PTH2R: variants seen among roughly 807,000 people sequenced by gnomAD.
PTH2R encodes parathyroid hormone 2 receptor, also known as PTH2 receptor.
Under a neutral mutation model 60.3 loss-of-function variants are expected in PTH2R, and 59 were observed. That is an observed-to-expected ratio of 0.98 (90% CI 0.79 to 1.22). PTH2R has a LOEUF of 1.22. PTH2R is among the 50% of genes most tolerant of loss of function. PTH2R has a pLI of 0.00. For missense variants in PTH2R, 749 were observed against 682.6 expected (o/e 1.10, Z -1.08); for synonymous variants, 256 against 243.8 (o/e 1.05, Z -0.47).
At chr2:208,370,121 G>C (rs2125869223) in intron 1 of PTH2R, among the ~76,000 whole-genome samples, 1 of 152,100 alleles carries the variant, frequency 6.6e-6, no homozygotes, top group East Asian at 1.9e-4. Context: ...AATTAGAAAG[G>C]AAAAATTGTG....
At chr2:208,420,165 T>C (rs2105845546) in intron 1 of PTH2R, among the ~76,000 whole-genome samples, 1 of 151,886 alleles carries the variant, frequency 6.6e-6, no homozygotes, top group East Asian at 1.9e-4. Context: ...GGGATAGCAT[T>C]AGGAGATATA....
At chr2:208,413,867 TA>T (rs1701589869) in intron 1 of PTH2R, among the ~76,000 whole-genome samples, 1 of 152,172 alleles carries the variant, frequency 6.6e-6, no homozygotes, top group African/African-American at 2.4e-5. Context: ...TAAGAGTATT[TA>T]AGGGTTCAGG....
At chr2:208,408,126 C>T (rs573380421) in intron 1 of PTH2R, among the ~76,000 whole-genome samples, 15 of 152,204 alleles carry the variant, frequency 9.9e-5, no homozygotes, top group African/African-American at 3.6e-4. Context: ...AGGTGCCACG[C>T]TAAAAGTGGG....
intron 1 of PTH2R, among the ~76,000 whole-genome samples, chr2:208,370,685 C>T (rs1700684141): frequency 6.6e-6 from 1 of 151,788 alleles, no homozygotes; most frequent in South Asian, 2.1e-4. Flanking sequence ...GGAAATAATC[C>T]AAATATTTGT....
intron 2 of PTH2R, among the ~76,000 whole-genome samples, chr2:208,433,490 T>G (rs1241249244): frequency 1.3e-5 from 2 of 152,234 alleles, no homozygotes; most frequent in Non-Finnish European, 2.9e-5. Context: ...GCTGTCAGAC[T>G]GTCTATACTT....
chr2:208,489,464 T>G (rs1181596049), intron 11 of PTH2R, among the ~76,000 whole-genome samples: 1 of 152,020 alleles, frequency 6.6e-6, no homozygotes, highest in Non-Finnish European at 1.5e-5. Context: ...CTTGTGTGTA[T>G]GGAAGATAAA....
intron 2 of PTH2R, among the ~76,000 whole-genome samples, chr2:208,430,059 C>T (rs765481477): frequency 1.1e-4 from 16 of 152,120 alleles, no homozygotes; most frequent in Non-Finnish European, 2.1e-4. Flanking sequence ...CATTTTATTC[C>T]ATCCCCTGCC....
At chr2:208,454,255 A>T (rs1702465572) in intron 8 of PTH2R, among the ~76,000 whole-genome samples, 1 of 152,192 alleles carries the variant, frequency 6.6e-6, no homozygotes. Flanking sequence ...CTTTGCTCTC[A>T]TGGTCAAGCT....
rs1008809854 is a variant in PTH2R at position 208,453,502 on chromosome 2, T to G, written c.914+2693T>G. Among the ~76,000 whole-genome samples the G allele has an allele frequency of 2.0e-5, 3 of 152,204 alleles. No individual in the cohort carries two copies. The East Asian group carries it at 5.8e-4, about 29-fold the overall frequency. The stretch of plus-strand genomic sequence containing the variant: ...CATCTTATTTCTCTAAATGTGCAAG[T>G]GTAACTGTCTCATTTTTCCAACAAA... On this transcript the variant is annotated intron_variant, in intron 8 of 12. Transcript: ENST00000272847.
At chr2:208,480,592 T>G (rs1703124156) in intron 9 of PTH2R, among the ~76,000 whole-genome samples, 1 of 152,162 alleles carries the variant, frequency 6.6e-6, no homozygotes, top group South Asian at 2.1e-4. Context: ...TGTAACATCT[T>G]ACTTCCCTTT....
At chr2:208,429,484 T>G (rs963678536) in intron 2 of PTH2R, among the ~76,000 whole-genome samples, 41 of 152,170 alleles carry the variant, frequency 2.7e-4, no homozygotes, top group African/African-American at 9.2e-4. Flanking sequence ...ATCTCTAGGA[T>G]ACTTGTCCTT....
intron 1 of PTH2R, among the ~76,000 whole-genome samples, chr2:208,373,901 G>A (rs1051739725): frequency 2.0e-5 from 3 of 151,978 alleles, no homozygotes; most frequent in Non-Finnish European, 2.9e-5. Context: ...AATATAATTC[G>A]CTTTTTTCCA....
At chr2:208,421,702 T>A (rs189671700) in intron 1 of PTH2R, among the ~76,000 whole-genome samples, 61 of 152,300 alleles carry the variant, frequency 4.0e-4, no homozygotes, top group Middle Eastern at 6.8e-3. Context: ...GAGAGTGACA[T>A]TGGCATTTAA....
chr2:208,419,928 A>T (rs1251538345), intron 1 of PTH2R, among the ~76,000 whole-genome samples: 1 of 152,236 alleles, frequency 6.6e-6, no homozygotes, highest in African/African-American at 2.4e-5. Context: ...AATGTGGCAC[A>T]TATACACTGT....
chr2:208,360,103 AT>A (rs758734257), exon 1 of PTH2R: 3 of 399,400 alleles, frequency 7.5e-6, no homozygotes, highest in Admixed American at 3.2e-5. Context: ...TTTAAAAATG[AT>A]TTTTTTCCCT....
At chr2:208,380,828 C>T (rs1030548358) in intron 1 of PTH2R, among the ~76,000 whole-genome samples, 6 of 152,078 alleles carry the variant, frequency 3.9e-5, no homozygotes, top group Admixed American at 2.0e-4. Flanking sequence ...AGCCACCACT[C>T]CAGTACTGAC....
chr2:208,484,207 G>A (rs2105907912), intron 10 of PTH2R, among the ~76,000 whole-genome samples: 1 of 152,332 alleles, frequency 6.6e-6, no homozygotes, highest in South Asian at 2.1e-4. Flanking sequence ...ACCTTTCGGA[G>A]CTGAGATAAT....
chr2:208,361,822 T>C (rs1332542869), intron 1 of PTH2R, among the ~76,000 whole-genome samples: 2 of 152,204 alleles, frequency 1.3e-5, no homozygotes, highest in Non-Finnish European at 2.9e-5. Flanking sequence ...CCACATTTTG[T>C]TTATCCATCC....
intron 7 of PTH2R, among the ~76,000 whole-genome samples, chr2:208,447,911 AT>A (rs1702322231): frequency 6.6e-6 from 1 of 152,054 alleles, no homozygotes; most frequent in Non-Finnish European, 1.5e-5. Context: ...ATTTTCCTCT[AT>A]TTTAATTCTG....
Sources: allele counts gnomAD v4.1 joint callset (sites outside exome capture counted in the v4.1 genomes callset), GRCh38; gene constraint gnomAD v4.1.1; transcripts MANE v1.5; gene names NCBI Gene and HGNC (gene_info 2026-07-23, HGNC 2026-07-21).